Variants in CDC42SE2 observed in about 807,000 individuals in gnomAD.
The protein encoded by CDC42SE2 is CDC42 small effector 2.
A neutral mutation model predicts 11.5 loss-of-function variants in CDC42SE2; 3 were observed. The observed-to-expected ratio is 0.26, with a 90% CI of 0.12 to 0.67. The LOEUF is 0.67. CDC42SE2 is among the 30% of genes least tolerant of loss of function. CDC42SE2 has a pLI of 0.80. For missense variants in CDC42SE2, 82 were observed against 106.8 expected (o/e 0.77, Z 1.02); for synonymous variants, 33 against 34.8 (o/e 0.95, Z 0.18).
At chr5:131,279,042 C>T (rs937334200) in intron 1 of CDC42SE2, among the ~76,000 whole-genome samples, 1 of 151,788 alleles carries the variant, frequency 6.6e-6, no homozygotes, top group Non-Finnish European at 1.5e-5. Context: ...GCCTCGATCT[C>T]CCAAAGCTCT....
At chr5:131,275,564 G>C (rs1757084709) in intron 1 of CDC42SE2, among the ~76,000 whole-genome samples, 1 of 152,114 alleles carries the variant, frequency 6.6e-6, no homozygotes, top group Admixed American at 6.5e-5. Flanking sequence ...AAAGTGCTGG[G>C]ATTACAGGTG....
intron 2 of CDC42SE2, among the ~76,000 whole-genome samples, chr5:131,352,394 T>C (rs1469168613): frequency 6.6e-6 from 1 of 152,080 alleles, no homozygotes; most frequent in Admixed American, 6.6e-5. Context: ...ACAACATAGG[T>C]AAATCTTAAA....
intron 3 of CDC42SE2, among the ~76,000 whole-genome samples, chr5:131,363,695 CTT>C (rs34261669): frequency 5.1e-5 from 6 of 117,346 alleles, no homozygotes; most frequent in Admixed American, 2.7e-4. Context: ...TTCTCTTACT[CTT>C]TTTTTTTTTT....
chr5:131,376,337 G>A (rs889644423), intron 3 of CDC42SE2, among the ~76,000 whole-genome samples: 3 of 152,068 alleles, frequency 2.0e-5, no homozygotes, highest in African/African-American at 7.2e-5. Flanking sequence ...GTTTGCCAGA[G>A]GATCCCAGAT....
chr5:131,335,786 G>C (rs1758544371), intron 2 of CDC42SE2, among the ~76,000 whole-genome samples: 2 of 152,136 alleles, frequency 1.3e-5, no homozygotes, highest in Non-Finnish European at 2.9e-5. Flanking sequence ...GACTAAGATT[G>C]CAACCCCTGC....
intron 3 of CDC42SE2, among the ~76,000 whole-genome samples, chr5:131,384,663 A>G (rs1164016211): frequency 1.3e-5 from 2 of 152,162 alleles, no homozygotes; most frequent in Non-Finnish European, 2.9e-5. Context: ...AGTGAAACAC[A>G]GCAGTACAGT....
chr5:131,387,468 T>G (rs977007756), intron 4 of CDC42SE2, among the ~76,000 whole-genome samples: 1 of 152,074 alleles, frequency 6.6e-6, no homozygotes, highest in African/African-American at 2.4e-5. Context: ...GGAGGACTGC[T>G]TGAACCTGGG....
chr5:131,238,633 G>T, the CDC42SE2 span, among the ~76,000 whole-genome samples: 27 of 148,868 alleles, frequency 1.8e-4, no homozygotes, highest in Non-Finnish European at 6.0e-5. Flanking sequence ...TAATAAAAAA[G>T]AAAAGAAAAG....
intron 1 of CDC42SE2, among the ~76,000 whole-genome samples, chr5:131,275,382 C>T (rs942862634): frequency 2.0e-5 from 3 of 150,588 alleles, no homozygotes; most frequent in East Asian, 2.0e-4. Flanking sequence ...CTGCAAACTC[C>T]GTCTCCCGGA....
chr5:131,255,418 T>C (rs1756672312), intron 2 of CDC42SE2: 1 of 152,204 alleles, frequency 6.6e-6, no homozygotes, highest in Admixed American at 6.5e-5. Flanking sequence ...TATATTTCTG[T>C]AGGACAGCAT....
At chr5:131,258,145 C>A (rs1177684628) in intron 2 of CDC42SE2, among the ~76,000 whole-genome samples, 1 of 152,164 alleles carries the variant, frequency 6.6e-6, no homozygotes, top group Non-Finnish European at 1.5e-5. Flanking sequence ...TGGGAACACA[C>A]CTTTAAGATG....
At chr5:131,372,631 T>C (rs1422832183) in intron 3 of CDC42SE2, among the ~76,000 whole-genome samples, 1 of 151,870 alleles carries the variant, frequency 6.6e-6, no homozygotes, top group Non-Finnish European at 1.5e-5. Flanking sequence ...CAGAATTGCT[T>C]GAACCTGGGA....
At chr5:131,246,891 G>GCA (rs1756599778) in intron 1 of CDC42SE2, among the ~76,000 whole-genome samples, 4 of 150,858 alleles carry the variant, frequency 2.7e-5, no homozygotes, top group Non-Finnish European at 5.9e-5. Flanking sequence ...CTACAGGCAT[G>GCA]TGCCACCATG....
At chr5:131,277,055 A>G (rs979412397) in intron 1 of CDC42SE2, among the ~76,000 whole-genome samples, 21 of 152,152 alleles carry the variant, frequency 1.4e-4, no homozygotes, top group Admixed American at 9.2e-4. Flanking sequence ...TATAATTTTT[A>G]AAAAGCCTGT....
At chr5:131,214,278 C>A in the CDC42SE2 span, among the ~76,000 whole-genome samples, 1 of 152,154 alleles carries the variant, frequency 6.6e-6, no homozygotes, top group Non-Finnish European at 1.5e-5. Flanking sequence ...GAGGCTGATT[C>A]CTTGAGCCCA....
upstream of CDC42SE2, among the ~76,000 whole-genome samples, chr5:131,244,497 G>A (rs1485516318): frequency 6.6e-6 from 1 of 152,166 alleles, no homozygotes; most frequent in Admixed American, 6.5e-5. Flanking sequence ...GATCACTTGA[G>A]GCCAGGAGTT....
intron 3 of CDC42SE2, among the ~76,000 whole-genome samples, chr5:131,379,707 T>C (rs1012003420): frequency 4.6e-5 from 7 of 152,206 alleles, no homozygotes; most frequent in African/African-American, 1.7e-4. Context: ...CTTCACCTTA[T>C]GCAGAATAAA....
chr5:131,352,591 A>G (rs1749374802), intron 2 of CDC42SE2, among the ~76,000 whole-genome samples: 1 of 152,198 alleles, frequency 6.6e-6, no homozygotes, highest in South Asian at 2.1e-4. Flanking sequence ...TTCAGGGAAC[A>G]ATGGTTTGGA....
chr5:131,383,509 T>A (rs1750386405), intron 3 of CDC42SE2, among the ~76,000 whole-genome samples: 1 of 152,132 alleles, frequency 6.6e-6, no homozygotes, highest in Non-Finnish European at 1.5e-5. Context: ...TAGTTAAGTG[T>A]TTTTAGGGAA....
Sources: gnomAD v4.1 joint callset for allele counts (sites outside exome capture counted in the v4.1 genomes callset) on GRCh38, gnomAD v4.1.1 for gene constraint, MANE v1.5 for transcripts, NCBI Gene and HGNC (gene_info 2026-07-23, HGNC 2026-07-21) for gene names.